WDR7: variants seen among roughly 807,000 people sequenced by gnomAD.
WDR7 encodes the protein WD repeat-containing protein 7.
In WDR7, 46 loss-of-function variants were observed where a neutral mutation model predicts 169.4. That is an observed-to-expected ratio of 0.27 (90% CI 0.21 to 0.35). The LOEUF (loss-of-function observed/expected upper bound fraction) is 0.35. Among genes scored for constraint, WDR7 ranks in the 10% least tolerant of loss-of-function variants. The pLI, the probability that WDR7 is intolerant of heterozygous loss-of-function variation, is 1.00. For synonymous variants in WDR7, 612 were observed against 666.8 expected (o/e 0.92, Z 1.27); for missense variants, 1,534 against 1,859.3 (o/e 0.83, Z 3.22).
At chr18:56,680,800 T>G (rs893017336) in intron 3 of WDR7, among the ~76,000 whole-genome samples, 1 of 152,232 alleles carries the variant, frequency 6.6e-6, no homozygotes, top group Non-Finnish European at 1.5e-5. Flanking sequence ...AACTTTTGTT[T>G]TTTGCAGTTT....
At chr18:56,723,856 C>A (rs141063077) in intron 13 of WDR7, among the ~76,000 whole-genome samples, 62 of 152,032 alleles carry the variant, frequency 4.1e-4, no homozygotes, top group Non-Finnish European at 7.1e-4. Flanking sequence ...CTTCAGCTCA[C>A]TGTGATGGTA....
At chr18:56,700,252 CTTTTTTTTTT>C (rs1226348026) in intron 12 of WDR7, among the ~76,000 whole-genome samples, 1 of 67,238 alleles carries the variant, frequency 1.5e-5, no homozygotes, top group Non-Finnish European at 2.5e-5. Flanking sequence ...TTTTCATTTT[CTTTTTTTTTT>C]TTTTTTTTTT....
At chr18:56,988,410 T>C (rs947757219) in intron 26 of WDR7, among the ~76,000 whole-genome samples, 2 of 152,216 alleles carry the variant, frequency 1.3e-5, no homozygotes, top group Admixed American at 6.5e-5. Flanking sequence ...CCAATCCAAA[T>C]TGGTGCTTCT....
Position 56,679,571 on chromosome 18 carries a change from A to T in WDR7, c.266+133A>T. The T allele has an allele frequency of 5.7e-6, 3 of 524,670 alleles. No individual in the cohort carries two copies. In the South Asian group the frequency reaches 1.4e-4, roughly 25 times the overall value. The allele number at this position is 524,670 out of a possible 1,614,324, so 32.5% of individuals were successfully genotyped here. A position where few individuals can be genotyped will look rare whatever the true frequency, so the allele number is the denominator to read the frequency against. On this transcript the variant is annotated intron_variant, in intron 3 of 27. Transcript: ENST00000254442. ...AAATGCTTTGTATTGTCTAAATCTA[A>T]ATGTAGATATTTAAAATCTGATTTT...
intron 20 of WDR7, among the ~76,000 whole-genome samples, chr18:56,846,368 G>A (rs905102430): frequency 1.2e-4 from 19 of 152,014 alleles, no homozygotes; most frequent in African/African-American, 4.6e-4. Flanking sequence ...AATTGGATCA[G>A]GGGTGCCAGT....
intron 16 of WDR7, among the ~76,000 whole-genome samples, chr18:56,762,986 A>G (rs996199828): frequency 6.7e-6 from 1 of 148,190 alleles, no homozygotes; most frequent in African/African-American, 2.5e-5. Context: ...TTTGAGATGG[A>G]GTCTGGCTCT....
chr18:56,794,304 A>ATTTTTTGTTTTTTTTTTTTTTTTTT (rs2044543989), intron 19 of WDR7, among the ~76,000 whole-genome samples: 1 of 49,466 alleles, frequency 2.0e-5, no homozygotes, highest in Non-Finnish European at 3.8e-5. Context: ...GGTAAAGTCT[A>ATTTTTTGTTTTTTTTTTTTTTTTTT]TTTTTTTTTT....
chr18:56,692,500 G>A (rs2025597434), intron 9 of WDR7, among the ~76,000 whole-genome samples: 4 of 135,904 alleles, frequency 2.9e-5, no homozygotes, highest in South Asian at 4.7e-4. Context: ...TGAACATTAC[G>A]TCTCACGTTT....
intron 26 of WDR7, among the ~76,000 whole-genome samples, chr18:56,995,301 A>G (rs2047883136): frequency 1.3e-5 from 2 of 152,214 alleles, no homozygotes. Flanking sequence ...TTATTCCCTG[A>G]TATTCCATGG....
At chr18:56,807,451 C>G (rs143858052) in intron 19 of WDR7, among the ~76,000 whole-genome samples, 268 of 152,134 alleles carry the variant, frequency 1.8e-3, no homozygotes, top group African/African-American at 6.1e-3. Context: ...TGAAAAAATA[C>G]ATGCAGTAAT....
At chr18:56,971,283 A>G (rs1444263857) in intron 26 of WDR7, among the ~76,000 whole-genome samples, 4 of 141,504 alleles carry the variant, frequency 2.8e-5, no homozygotes, top group Non-Finnish European at 6.1e-5. Context: ...CTGTCTCCCA[A>G]AAAAAAAAAA....
intron 19 of WDR7, among the ~76,000 whole-genome samples, chr18:56,808,143 T>C (rs545532880): frequency 2.4e-4 from 36 of 152,172 alleles, no homozygotes; most frequent in Non-Finnish European, 7.3e-5. Flanking sequence ...AGGCAGGCTG[T>C]CTGTCTGTCA....
intron 19 of WDR7, among the ~76,000 whole-genome samples, chr18:56,793,401 G>A (rs977625162): frequency 3.3e-5 from 5 of 152,262 alleles, no homozygotes; most frequent in South Asian, 2.1e-4. Context: ...ATTGCCTGTC[G>A]TTGGATGAAG....
At chr18:56,785,233 A>G (rs1051234742) in intron 19 of WDR7, among the ~76,000 whole-genome samples, 2 of 152,204 alleles carry the variant, frequency 1.3e-5, no homozygotes, top group South Asian at 4.1e-4. Context: ...CACACCTGCC[A>G]TCAACGTGCT....
intron 20 of WDR7, among the ~76,000 whole-genome samples, chr18:56,816,887 G>A (rs1173870815): frequency 1.3e-5 from 2 of 152,044 alleles, no homozygotes; most frequent in Non-Finnish European, 2.9e-5. Context: ...ATCATAAAGT[G>A]TATAATTGTT....
intron 19 of WDR7, among the ~76,000 whole-genome samples, chr18:56,789,176 T>C (rs991694549): frequency 2.6e-5 from 4 of 152,246 alleles, no homozygotes; most frequent in Admixed American, 6.5e-5. Flanking sequence ...CATGACTATC[T>C]AAAAGGGAAA....
chr18:56,978,293 A>G (rs2047595159), intron 26 of WDR7, among the ~76,000 whole-genome samples: 1 of 152,232 alleles, frequency 6.6e-6, no homozygotes, highest in Admixed American at 6.5e-5. Context: ...TTTATTAGGG[A>G]TAAGACAATT....
At chr18:57,002,444 A>G (rs2047996577) in intron 26 of WDR7, among the ~76,000 whole-genome samples, 2 of 152,198 alleles carry the variant, frequency 1.3e-5, no homozygotes, top group South Asian at 4.1e-4. Flanking sequence ...CTTTAGCTGC[A>G]TACATTTTTG....
intron 21 of WDR7, among the ~76,000 whole-genome samples, chr18:56,903,280 G>C (rs566376977): frequency 3.0e-4 from 46 of 151,932 alleles, no homozygotes; most frequent in Non-Finnish European, 5.1e-4. Context: ...TAATTAGTTC[G>C]GTATTATTTT....
Sources: gnomAD v4.1 joint callset for allele counts (sites outside exome capture counted in the v4.1 genomes callset) on GRCh38, gnomAD v4.1.1 for gene constraint, MANE v1.5 for transcripts, NCBI Gene and HGNC (gene_info 2026-07-23, HGNC 2026-07-21) for gene names.